Variants in PRR5 observed in about 807,000 individuals in gnomAD.
The protein encoded by PRR5 is proline rich 5.
PRR5 carries 25 observed loss-of-function variants against 30.6 expected under a neutral mutation model. The observed-to-expected ratio is 0.82, with a 90% CI of 0.60 to 1.14. The LOEUF (loss-of-function observed/expected upper bound fraction) is 1.14. PRR5 is among the 50% of genes most tolerant of loss of function. The probability of loss-of-function intolerance (pLI) is 0.00; values close to 1 mark genes in which losing one functional copy is unlikely to be tolerated. For synonymous variants in PRR5, 286 were observed against 247.1 expected (o/e 1.16, Z -1.48); for missense variants, 600 against 547.1 (o/e 1.10, Z -0.96).
intron 2 of PRR5, among the ~76,000 whole-genome samples, chr22:44,725,029 G>A (rs551231284): frequency 6.6e-6 from 1 of 152,302 alleles, no homozygotes; most frequent in South Asian, 2.1e-4. Flanking sequence ...GGATCTAGTT[G>A]ATGAGCTGCC....
At chr22:44,695,950 A>C (rs1381405930) in intron 1 of PRR5, among the ~76,000 whole-genome samples, 2 of 18,322 alleles carry the variant, frequency 1.1e-4, no homozygotes, top group African/African-American at 4.5e-4. Flanking sequence ...TTTTTTTTTG[A>C]TACAGAGTCC....
chr22:44,712,367 G>A (rs1385180273), intron 1 of PRR5, among the ~76,000 whole-genome samples: 7 of 152,198 alleles, frequency 4.6e-5, no homozygotes, highest in Admixed American at 2.6e-4. Context: ...GTGGAACCTG[G>A]CACAGCCCCC....
intron 1 of PRR5, among the ~76,000 whole-genome samples, chr22:44,680,907 C>G (rs902790040): frequency 6.6e-6 from 1 of 152,162 alleles, no homozygotes; most frequent in African/African-American, 2.4e-5. Context: ...GCACAGGCTG[C>G]GGGACCCGGA....
chr22:44,734,349 T>G (rs1922800539), intron 6 of PRR5: 1 of 152,258 alleles, frequency 6.6e-6, no homozygotes, highest in South Asian at 2.1e-4. Context: ...CTTCCATTCA[T>G]TCACTTATTT....
intron 6 of PRR5, among the ~76,000 whole-genome samples, chr22:44,733,061 TACAC>T (rs1242609207): frequency 4.6e-5 from 7 of 152,218 alleles, no homozygotes; most frequent in Non-Finnish European, 8.8e-5. Flanking sequence ...CACGCACACA[TACAC>T]ACAGTGTCCC....
rs1377690402 is a variant in PRR5 at position 44,702,204 on chromosome 22, G to C, written c.-271G>C. The C allele has an allele frequency of 1.6e-5, 17 of 1,064,314 alleles. No individual in the cohort carries two copies. The highest frequency in any genetic ancestry group is 1.9e-5 in the Non-Finnish European group (17 of 875,994). The allele number at this position is 1,064,314 out of a possible 1,614,324, so 65.9% of individuals were successfully genotyped here. ...TGGGCCCGCCCCCGGGTCCGCCCCCGGCCTCCGTTTGCGCCGGGTCTGTGC... is the reference window on the plus strand; with the variant it reads ...TGGGCCCGCCCCCGGGTCCGCCCCCCGCCTCCGTTTGCGCCGGGTCTGTGC... On this transcript the variant is annotated 5_prime_UTR_variant, in exon 1 of 8. Transcript: ENST00000336985.
At chr22:44,677,983 G>C (rs1923914108) in intron 1 of PRR5, among the ~76,000 whole-genome samples, 1 of 152,148 alleles carries the variant, frequency 6.6e-6, no homozygotes, top group African/African-American at 2.4e-5. Flanking sequence ...ACCGGGAGCT[G>C]GTGCTGGGGG....
chr22:44,712,442 G>A (rs1015758310), intron 1 of PRR5, among the ~76,000 whole-genome samples: 8 of 152,196 alleles, frequency 5.3e-5, no homozygotes, highest in Admixed American at 5.2e-4. Context: ...CTGCGCCAGC[G>A]AGGACAGGGA....
At chr22:44,693,532 G>A (rs896639861) in intron 1 of PRR5, among the ~76,000 whole-genome samples, 3 of 151,314 alleles carry the variant, frequency 2.0e-5, no homozygotes, top group Non-Finnish European at 2.9e-5. Context: ...CTTGTGGGCC[G>A]CATCACTCCA....
At chr22:44,675,267 A>G (rs1438920090), upstream of PRR5, among the ~76,000 whole-genome samples, 5 of 152,094 alleles carry the variant, frequency 3.3e-5, no homozygotes, top group East Asian at 1.9e-4. Context: ...AAAGAAAAAA[A>G]AGAAAGAAAG....
chr22:44,681,946 C>T lies in PRR5; in HGVS notation c.-11+4706C>T, dbSNP rs141086065. Among the ~76,000 whole-genome samples, 139 of 152,278 alleles carry T rather than the reference C, an allele frequency of 9.1e-4. 1 individual carries two copies. Among genetic ancestry groups the T allele is most frequent in the African/African-American group, 3.1e-3 (130 of 41,552 alleles). ...GTGGAAGGGATGCTGTGGCCAGAGC[C>T]GTGGCCTGAGAGCACAGTGGCTGGA... On this transcript the variant is annotated intron_variant, in intron 1 of 8. Transcript: ENST00000006251.
chr22:44,688,820 T>C (rs955298733), intron 1 of PRR5, among the ~76,000 whole-genome samples: 2 of 152,010 alleles, frequency 1.3e-5, no homozygotes, highest in African/African-American at 4.8e-5. Context: ...AAACCCTGTC[T>C]CTCCTAAAAA....
At chr22:44,692,204 C>T (rs1265377527) in intron 1 of PRR5, among the ~76,000 whole-genome samples, 1 of 122,814 alleles carries the variant, frequency 8.1e-6, no homozygotes, top group Non-Finnish European at 1.8e-5. Flanking sequence ...CCTCCTCCCA[C>T]GCTCCTCCAC....
At chr22:44,672,208 G>A (rs867324337), upstream of PRR5, among the ~76,000 whole-genome samples, 1 of 152,210 alleles carries the variant, frequency 6.6e-6, no homozygotes, top group Admixed American at 6.5e-5. Context: ...AGTAGGGAGA[G>A]AGATGGAGTT....
intron 1 of PRR5, among the ~76,000 whole-genome samples, chr22:44,678,383 C>T (rs550168047): frequency 7.0e-6 from 1 of 143,340 alleles, no homozygotes; most frequent in African/African-American, 2.6e-5. Flanking sequence ...AGTGCGATGG[C>T]GCAATCTCGG....
At chr22:44,728,860 G>A (rs976953594) in intron 4 of PRR5, among the ~76,000 whole-genome samples, 3 of 152,190 alleles carry the variant, frequency 2.0e-5, no homozygotes, top group African/African-American at 7.2e-5. Context: ...GGAGGCCTTG[G>A]ACTTCAGCCC....
chr22:44,702,726 C>T (rs972977257), intron 1 of PRR5, 118 bp downstream of exon 1: 8 of 1,214,316 alleles, frequency 6.6e-6, no homozygotes, highest in Non-Finnish European at 7.2e-6. Context: ...CGGCGCGGCG[C>T]TTCACAGTTT....
At chr22:44,695,532 A>G (rs1205823069) in intron 1 of PRR5, among the ~76,000 whole-genome samples, 1 of 152,150 alleles carries the variant, frequency 6.6e-6, no homozygotes, top group Non-Finnish European at 1.5e-5. Flanking sequence ...GCATTTTTAT[A>G]TAAGAAGCCT....
intron 4 of PRR5, among the ~76,000 whole-genome samples, chr22:44,727,353 T>C (rs1013461943): frequency 6.6e-6 from 1 of 151,730 alleles, no homozygotes; most frequent in Non-Finnish European, 1.5e-5. Flanking sequence ...GGTGAGGGGG[T>C]CCACTCAGTT....
Sources: gnomAD v4.1 joint callset for allele counts (sites outside exome capture counted in the v4.1 genomes callset) on GRCh38, gnomAD v4.1.1 for gene constraint, MANE v1.5 for transcripts, NCBI Gene and HGNC (gene_info 2026-07-23, HGNC 2026-07-21) for gene names.